GRIA3: variants seen among roughly 807,000 people sequenced by gnomAD.
The protein encoded by GRIA3 is glutamate ionotropic receptor AMPA type subunit 3, also known as glutamate receptor 3.
GRIA3 carries 3 observed loss-of-function variants against 63.0 expected under a neutral mutation model. That is an observed-to-expected ratio of 0.05 (90% CI 0.02 to 0.12). GRIA3 has a LOEUF of 0.12. GRIA3 is among the 10% of genes least tolerant of loss of function. The pLI, the probability that GRIA3 is intolerant of heterozygous loss-of-function variation, is 1.00. For synonymous variants in GRIA3, 274 were observed against 257.9 expected, an observed-to-expected ratio of 1.06 and a Z score of -0.60; for missense variants, 347 against 700.9, an observed-to-expected ratio of 0.50 and a Z score of 5.70.
chrX:123,411,666 T>C (rs1198516543), intron 10 of GRIA3, among the ~76,000 whole-genome samples: 1 of 110,965 alleles, frequency 9.0e-6, no homozygotes, highest in Admixed American at 9.6e-5. Flanking sequence ...AACTGGTGAG[T>C]GGAAAATTCA....
Position 123,288,094 on chromosome X carries a change from G to A in GRIA3, c.508+34552G>A, listed in dbSNP as rs1437987806. Among the ~76,000 whole-genome samples, 4 of 112,130 alleles carry A rather than the reference G, an allele frequency of 3.6e-5. No homozygotes were observed. In the Admixed American group the frequency reaches 3.8e-4, roughly 11 times the overall value. ...TATAGACCAATGGAACAGAACAGAG[G>A]CCTCAGAAATAATGCCACACATCTA... On this transcript the variant is annotated intron_variant, in intron 3 of 15. Transcript: ENST00000620443.
At chrX:123,292,650 G>A (rs760607799) in intron 3 of GRIA3, among the ~76,000 whole-genome samples, 1 of 111,349 alleles carries the variant, frequency 9.0e-6, no homozygotes, top group East Asian at 2.8e-4. Context: ...TGTGAATGAG[G>A]CCAACCAGAA....
At chrX:123,486,764 T>G (rs1329940681) in intron 15 of GRIA3, among the ~76,000 whole-genome samples, 1 of 111,830 alleles carries the variant, frequency 8.9e-6, no homozygotes, top group Non-Finnish European at 1.9e-5. Context: ...GGCTTCCAGT[T>G]CTCTGAGTTG....
intron 3 of GRIA3, among the ~76,000 whole-genome samples, chrX:123,295,073 T>A (rs1452533171): frequency 8.9e-5 from 10 of 111,748 alleles, no homozygotes; most frequent in Admixed American, 8.6e-4. Flanking sequence ...CCCTGATAAT[T>A]CCTTGCTGAT....
rs781446420 is a variant in GRIA3 at position 123,428,096 on chromosome X, C to T, written c.2033C>T (p.Ala678Val). 8.3e-7 allele frequency: 1 copy of T among 1,204,779 alleles called. No individual in the cohort carries two copies. Among genetic ancestry groups the T allele is most frequent in the East Asian group, 3.0e-5 (1 of 33,787 alleles). Reference sequence around the variant, plus strand: ...GACTTAGCTAAACAGACTGAAATTGCATATGGGACCCTGGACTCCGGTTCA... The same window carrying T: ...GACTTAGCTAAACAGACTGAAATTGTATATGGGACCCTGGACTCCGGTTCA... ...AEDLAKQTEI[A>V]YGTLDSGSTK... The change falls in exon 12 of 16, where the codon GCA becomes GTA. Residue 678 changes from alanine to valine, a missense_variant. Transcript: ENST00000620443.
In GRIA3 at chrX:123,403,513, C is replaced by G; in HGVS notation, c.1287C>G (p.Thr429=). 1 of 1,085,858 alleles carries G rather than the reference C, an allele frequency of 9.2e-7. No homozygotes were observed. The allele number at this position is 1,085,858 out of a possible 1,213,427, so 89.5% of individuals were successfully genotyped here. ...SSENRTIVVT[T]ILESPYVMYK... ...AGAATCGGACCATAGTAGTGACTAC[C>G]ATTCTGGTAAGTGTGAACAGAAGGT... The change falls in exon 9 of 16, where the codon ACC becomes ACG. Residue 429 remains threonine (T), a synonymous_variant. Coordinates refer to ENST00000620443, the MANE Select transcript of GRIA3 (RefSeq NM_007325.5).
At chrX:123,378,849 G>A (rs982171203) in intron 5 of GRIA3, among the ~76,000 whole-genome samples, 7 of 111,484 alleles carry the variant, frequency 6.3e-5, no homozygotes, top group Admixed American at 5.7e-4. Context: ...GCCAGAACTT[G>A]TATCCCAACT....
chrX:123,266,825 C>T (rs1398742132), intron 3 of GRIA3, among the ~76,000 whole-genome samples: 1 of 111,052 alleles, frequency 9.0e-6, no homozygotes, highest in African/African-American at 3.3e-5. Flanking sequence ...TCCCTCCATT[C>T]CTTTGCAAAT....
At chrX:123,204,286 A>T in intron 2 of GRIA3, 1 of 601,484 alleles carries the variant, frequency 1.7e-6, no homozygotes, top group Non-Finnish European at 2.8e-6. Context: ...GAACCAGTGC[A>T]GCCTGTGGGC....
chrX:123,261,634 C>T (rs1344779189), intron 3 of GRIA3, among the ~76,000 whole-genome samples: 1 of 110,962 alleles, frequency 9.0e-6, no homozygotes, highest in African/African-American at 3.3e-5. Flanking sequence ...TGAGTAGCCC[C>T]CCACCCCTAT....
Position 123,278,987 on chromosome X carries a change from G to A in GRIA3, c.508+25445G>A, listed in dbSNP as rs370817981. Among the ~76,000 whole-genome samples the A allele has an allele frequency of 3.8e-4, 42 of 111,532 alleles. No homozygotes were observed. The East Asian group carries it at 5.9e-3, about 16-fold the overall frequency. ...TATTATTAGTATTTCAATAGGGATT[G>A]CATTGAGTCTGTAGATCACTTTGGG... On this transcript the variant is annotated intron_variant, in intron 3 of 15. Transcript: ENST00000620443.
chrX:123,245,720 A>G (rs1353576027), intron 2 of GRIA3, among the ~76,000 whole-genome samples: 2 of 112,063 alleles, frequency 1.8e-5, no homozygotes, highest in African/African-American at 6.5e-5. Flanking sequence ...TGAAGAAGTC[A>G]TCATCGAACT....
intron 3 of GRIA3, among the ~76,000 whole-genome samples, chrX:123,277,786 A>G (rs1354542032): frequency 2.7e-5 from 3 of 111,832 alleles, no homozygotes; most frequent in East Asian, 5.6e-4. Flanking sequence ...TTGTTTACCT[A>G]TCTGTGAAAT....
intron 1 of GRIA3, chrX:123,184,948 AG>A: frequency 4.8e-6 from 2 of 419,831 alleles, no homozygotes; most frequent in Non-Finnish European, 4.4e-6. Context: ...GGATGCTGCA[AG>A]GGGGTGAAGA....
chrX:123,417,633 C>G lies in GRIA3; in HGVS notation c.1732C>G (p.Pro578Ala). 8.4e-7 allele frequency: 1 copy of G among 1,196,955 alleles called. No individual in the cohort carries two copies. The highest frequency in any genetic ancestry group is 1.1e-6 in the Non-Finnish European group (1 of 887,450). The change falls in exon 11 of 16, where the codon CCT (proline) becomes GCT (alanine). Residue 578 changes from proline to alanine, a missense_variant. Pro to Ala is a conservative substitution (Grantham distance 27). This residue lies in a region of GRIA3 where 19 missense variants were observed against 30.9 expected (regional missense o/e 0.61). Transcript: ENST00000620443. ...TCTTTTCCTAGTCAGCAGGTTCAGT[C>G]CTTATGAATGGCACTTGGAAGACAA... is the stretch of plus-strand genomic sequence containing the variant. ...VVLFLVSRFSPYEWHLEDNNE... is the reference protein window; with the variant it reads ...VVLFLVSRFSAYEWHLEDNNE...
chrX:123,261,186 A>C (rs1389831798), intron 3 of GRIA3, among the ~76,000 whole-genome samples: 1 of 111,016 alleles, frequency 9.0e-6, no homozygotes, highest in Non-Finnish European at 1.9e-5. Context: ...AAGACATTAA[A>C]CTACCCTTTC....
intron 3 of GRIA3, among the ~76,000 whole-genome samples, chrX:123,271,988 A>AG (rs890741505): frequency 9.0e-6 from 1 of 111,703 alleles, no homozygotes; most frequent in African/African-American, 3.3e-5. Flanking sequence ...ATACAGGCAG[A>AG]GGGGGAGAAG....
rs1450027349 is a variant in GRIA3, at chrX:123,326,033, C to T, written c.516C>T (p.Ser172=). 2 of 1,203,510 alleles carry T rather than the reference C, an allele frequency of 1.7e-6. No homozygotes were observed. Among genetic ancestry groups the T allele is most frequent in the Middle Eastern group, 2.3e-4 (1 of 4,362 alleles). The part of the protein sequence containing the change: ...VYLYDTERGF[S]ILQAIMEAAV... ...TGTTTTTCCTTCCTTCAGGATTTTC[C>T]ATCCTCCAAGCGATTATGGAAGCAG... Residue 172 remains serine, a synonymous_variant, in exon 4 of 16, where the codon TCC becomes TCT. Transcript: ENST00000620443.
chrX:123,371,963 C>T (rs140895139), intron 5 of GRIA3, among the ~76,000 whole-genome samples: 1,671 of 111,169 alleles, frequency 0.015, 33 homozygotes, highest in African/African-American at 0.05. Flanking sequence ...GACCAACGTC[C>T]GGGAGATTTT....
Sources: gnomAD v4.1 joint callset for allele counts (sites outside exome capture counted in the v4.1 genomes callset) on GRCh38, gnomAD v4.1.1 for gene constraint, gnomAD v4.1.1 regional missense constraint, MANE v1.5 for transcripts, NCBI Gene and HGNC (gene_info 2026-07-23, HGNC 2026-07-21) for gene names.